The following CCDC102B variants were observed in gnomAD, a reference collection of about 807,000 sequenced individuals.
CCDC102B encodes coiled-coil domain containing 102B.
CCDC102B carries 75 observed loss-of-function variants against 57.4 expected under a neutral mutation model. The ratio of observed to expected loss-of-function variants is 1.31; its 90% CI spans 1.08 to 1.58. The LOEUF is 1.58. Among genes scored for constraint, CCDC102B ranks in the 40% most tolerant of loss-of-function variants. The pLI, the probability that CCDC102B is intolerant of heterozygous loss-of-function variation, is 0.00. For missense variants in CCDC102B, 636 were observed against 582.6 expected, an observed-to-expected ratio of 1.09 and a Z score of -0.94; for synonymous variants, 206 against 201.9, an observed-to-expected ratio of 1.02 and a Z score of -0.17.
chr18:68,787,185 A>G (rs1248538590), intron 2 of CCDC102B, among the ~76,000 whole-genome samples: 1 of 150,734 alleles, frequency 6.6e-6, no homozygotes, highest in Non-Finnish European at 1.5e-5. Flanking sequence ...AGCCCACTTG[A>G]TCATGGTGGA....
At chr18:68,851,422 A>G (rs1021753001) in intron 4 of CCDC102B, among the ~76,000 whole-genome samples, 7 of 152,224 alleles carry the variant, frequency 4.6e-5, no homozygotes, top group African/African-American at 1.7e-4. Flanking sequence ...AATGAATATA[A>G]AAATGAAGCA....
At chr18:68,788,773 C>T (rs996379620) in intron 2 of CCDC102B, among the ~76,000 whole-genome samples, 9 of 151,728 alleles carry the variant, frequency 5.9e-5, no homozygotes, top group Admixed American at 5.3e-4. Flanking sequence ...TGGGTCTTGA[C>T]TCTTTATCCA....
chr18:69,014,899 A>G (rs1454866328), intron 7 of CCDC102B, among the ~76,000 whole-genome samples: 2 of 151,502 alleles, frequency 1.3e-5, no homozygotes, highest in Non-Finnish European at 2.9e-5. Context: ...ATTTCAAGTG[A>G]AGAAGGGAGA....
At chr18:69,018,845 A>T (rs1041232055) in intron 7 of CCDC102B, among the ~76,000 whole-genome samples, 8 of 152,078 alleles carry the variant, frequency 5.3e-5, no homozygotes, top group African/African-American at 1.9e-4. Flanking sequence ...ACCAAGAATA[A>T]TGCCAAGGAG....
At chr18:68,732,780 T>C (rs1028977557) in intron 2 of CCDC102B, among the ~76,000 whole-genome samples, 1 of 152,214 alleles carries the variant, frequency 6.6e-6, no homozygotes, top group Non-Finnish European at 1.5e-5. Flanking sequence ...TAGGATACCA[T>C]AGTTCCCAGA....
rs147228469 is a variant in CCDC102B, at chr18:68,862,593, C to T, written c.937-12076C>T. Among the ~76,000 whole-genome samples the T allele has an allele frequency of 8.6e-3, 1,316 of 152,226 alleles. 6 individuals carry two copies. Among genetic ancestry groups the T allele is most frequent in the Non-Finnish European group, 0.013 (894 of 67,978 alleles). ...GAAGCAAAAAGTTAGCCTCCTATTA[C>T]ATGTATGTTACAAAGCTCTATGTCA... On this transcript the variant is annotated intron_variant, in intron 4 of 7. Coordinates refer to ENST00000360242, the MANE Select transcript of CCDC102B (RefSeq NM_024781.3).
intron 7 of CCDC102B, among the ~76,000 whole-genome samples, chr18:69,012,486 C>T (rs1405620733): frequency 6.6e-6 from 1 of 152,038 alleles, no homozygotes; most frequent in Non-Finnish European, 1.5e-5. Flanking sequence ...TTATTTGTTC[C>T]TCCATGTAGG....
At chr18:68,785,148 G>T (rs2035155041) in intron 2 of CCDC102B, among the ~76,000 whole-genome samples, 1 of 151,892 alleles carries the variant, frequency 6.6e-6, no homozygotes, top group African/African-American at 2.4e-5. Flanking sequence ...CCCTACAAAG[G>T]ACATGAACTC....
intron 3 of CCDC102B, among the ~76,000 whole-genome samples, chr18:68,840,530 C>T (rs2037582617): frequency 6.6e-6 from 1 of 152,050 alleles, no homozygotes; most frequent in Admixed American, 6.6e-5. Flanking sequence ...GTGTAAATTC[C>T]TAATAGAGGC....
chr18:68,772,619 T>C (rs1208397799), intron 2 of CCDC102B, among the ~76,000 whole-genome samples: 1 of 152,160 alleles, frequency 6.6e-6, no homozygotes. Context: ...AAAAAGTTCT[T>C]TTGTTATTCC....
Position 68,924,697 on chromosome 18 carries a change from T to C in CCDC102B, c.1263+27269T>C, listed in dbSNP as rs140472949. On this transcript the variant is annotated intron_variant, in intron 6 of 7. Transcript: ENST00000360242. ...ATAGGTAGTTCAGGGGACTTATCAA[T>C]AGGCCTGAACAATTGTTCCCTGACA... Among the ~76,000 whole-genome samples, 12 of 152,198 alleles carry C rather than the reference T, an allele frequency of 7.9e-5. No homozygotes were observed. The East Asian group carries it at 1.9e-3, about 25-fold the overall frequency.
intron 4 of CCDC102B, among the ~76,000 whole-genome samples, chr18:68,856,357 C>T (rs1599574150): frequency 6.6e-6 from 1 of 152,180 alleles, no homozygotes; most frequent in East Asian, 1.9e-4. Context: ...GTGGCACAAT[C>T]CTAGCTCACG....
intron 1 of CCDC102B, among the ~76,000 whole-genome samples, chr18:68,716,083 G>T (rs1475925931): frequency 6.6e-6 from 1 of 151,858 alleles, no homozygotes; most frequent in African/African-American, 2.4e-5. Context: ...GCCCTCTACA[G>T]ATTCAATTTT....
chr18:68,817,608 C>T (rs2036534578), intron 1 of CCDC102B, among the ~76,000 whole-genome samples: 2 of 152,186 alleles, frequency 1.3e-5, no homozygotes, highest in Non-Finnish European at 2.9e-5. Flanking sequence ...CCCAGACAAT[C>T]TTGTTGGTTA....
intron 7 of CCDC102B, among the ~76,000 whole-genome samples, chr18:69,047,921 C>A (rs1483413131): frequency 6.6e-6 from 1 of 152,002 alleles, no homozygotes; most frequent in African/African-American, 2.4e-5. Context: ...TGTTCATGGA[C>A]AGGAAGAATC....
At chr18:68,990,430 G>A (rs2050833672) in intron 6 of CCDC102B, among the ~76,000 whole-genome samples, 2 of 152,152 alleles carry the variant, frequency 1.3e-5, no homozygotes, top group Non-Finnish European at 1.5e-5. Flanking sequence ...GTTTAGGGAG[G>A]TGGGAAGACC....
intron 1 of CCDC102B, among the ~76,000 whole-genome samples, chr18:68,801,599 TA>T (rs1425842668): frequency 6.6e-6 from 1 of 152,154 alleles, no homozygotes; most frequent in African/African-American, 2.4e-5. Flanking sequence ...GAAGAATTTA[TA>T]AATATATCTT....
chr18:68,909,989 T>A (rs977484157), intron 6 of CCDC102B, among the ~76,000 whole-genome samples: 2 of 152,054 alleles, frequency 1.3e-5, no homozygotes, highest in Admixed American at 6.5e-5. Flanking sequence ...TTTTATGAAA[T>A]GGTTTATAAA....
At chr18:68,928,620 G>A (rs1333824323) in intron 6 of CCDC102B, among the ~76,000 whole-genome samples, 3 of 151,834 alleles carry the variant, frequency 2.0e-5, no homozygotes, top group Non-Finnish European at 4.4e-5. Flanking sequence ...GAAATAGGGC[G>A]AAGAACCCAT....
Sources: allele counts gnomAD v4.1 joint callset (sites outside exome capture counted in the v4.1 genomes callset), GRCh38; gene constraint gnomAD v4.1.1; transcripts MANE v1.5; gene names NCBI Gene and HGNC (gene_info 2026-07-23, HGNC 2026-07-21).